The following RYR3 variants were observed in gnomAD, a reference collection of about 807,000 sequenced individuals.
RYR3 encodes ryanodine receptor 3.
Under a neutral mutation model 584.3 loss-of-function variants are expected in RYR3, and 207 were observed. That is an observed-to-expected ratio of 0.35 (90% CI 0.32 to 0.40). RYR3 has a LOEUF of 0.40. Among genes scored for constraint, RYR3 ranks in the 10% least tolerant of loss-of-function variants. The pLI, the probability that RYR3 is intolerant of heterozygous loss-of-function variation, is 1.00. For missense variants in RYR3, 5,616 were observed against 6,089.2 expected, an observed-to-expected ratio of 0.92 and a Z score of 2.59; for synonymous variants, 2,416 against 2,248.5, an observed-to-expected ratio of 1.07 and a Z score of -2.11.
chr15:33,480,820 G>C (rs1162834534), intron 2 of RYR3, among the ~76,000 whole-genome samples: 1 of 152,182 alleles, frequency 6.6e-6, no homozygotes, highest in African/African-American at 2.4e-5. Flanking sequence ...GGTGTGTCCT[G>C]TAGTTGTTGG....
intron 18 of RYR3, among the ~76,000 whole-genome samples, chr15:33,607,305 G>C (rs1319170368): frequency 2.0e-5 from 3 of 152,150 alleles, no homozygotes; most frequent in African/African-American, 7.2e-5. Flanking sequence ...AAGATATGCA[G>C]CATCTAATTA....
At chr15:33,545,847 G>A (rs950515942) in intron 8 of RYR3, among the ~76,000 whole-genome samples, 6 of 152,102 alleles carry the variant, frequency 3.9e-5, no homozygotes, top group South Asian at 2.1e-4. Context: ...AGAAGAAATC[G>A]TTTTCAGTCC....
At chr15:33,621,435 A>G (rs9806579) in intron 19 of RYR3, among the ~76,000 whole-genome samples, 10,165 of 152,252 alleles carry the variant, frequency 0.067, 388 homozygotes, top group African/African-American at 0.11. Flanking sequence ...TTATGTTGCA[A>G]TTGAATTGGG....
chr15:33,568,001 A>G (rs920848577), intron 12 of RYR3, among the ~76,000 whole-genome samples: 16 of 152,176 alleles, frequency 1.1e-4, no homozygotes, highest in Non-Finnish European at 1.5e-4. Flanking sequence ...CCAGTATTTT[A>G]TTGAAGCTCC....
chr15:33,813,846 A>G, intron 74 of RYR3: 1 of 294,012 alleles, frequency 3.4e-6, no homozygotes, highest in Non-Finnish European at 6.3e-6. Flanking sequence ...ATATGGAAGT[A>G]CACTACTTTT....
chr15:33,601,382 G>A (rs2059652735), intron 16 of RYR3, 37 bp from the exon 17 acceptor site: 2 of 1,604,432 alleles, frequency 1.2e-6, no homozygotes, highest in African/African-American at 2.7e-5. Context: ...GTGCCCTCCT[G>A]GTGGTCCTAA....
chr15:33,312,397 C>G (rs1198646799), intron 1 of RYR3, among the ~76,000 whole-genome samples: 1 of 151,972 alleles, frequency 6.6e-6, no homozygotes, highest in Non-Finnish European at 1.5e-5. Context: ...ATGGAAGTAC[C>G]TATCGCCCTG....
At chr15:33,460,996 G>C (rs1596243501) in intron 1 of RYR3, among the ~76,000 whole-genome samples, 1 of 133,636 alleles carries the variant, frequency 7.5e-6, no homozygotes. Flanking sequence ...CCAGGCTGGA[G>C]TGCAGTGGCG....
At chr15:33,392,642 C>T (rs1341233028) in intron 1 of RYR3, among the ~76,000 whole-genome samples, 1 of 152,128 alleles carries the variant, frequency 6.6e-6, no homozygotes, top group African/African-American at 2.4e-5. Context: ...CCAGCCTTTG[C>T]CACTTGGAGG....
chr15:33,762,082 T>A (rs2072501519), intron 60 of RYR3, among the ~76,000 whole-genome samples: 1 of 152,088 alleles, frequency 6.6e-6, no homozygotes, highest in Non-Finnish European at 1.5e-5. Flanking sequence ...AAACACTCAA[T>A]AAACTAGGTG....
chr15:33,326,333 A>C (rs538469705), intron 1 of RYR3, among the ~76,000 whole-genome samples: 1 of 152,328 alleles, frequency 6.6e-6, no homozygotes, highest in South Asian at 2.1e-4. Context: ...AGTACTTACT[A>C]TGTAAAAGGC....
At chr15:33,771,026 ATCACAT>A (rs1247124373) in intron 62 of RYR3, among the ~76,000 whole-genome samples, 2 of 152,210 alleles carry the variant, frequency 1.3e-5, no homozygotes, top group African/African-American at 2.4e-5. Flanking sequence ...ATCCCTGTAG[ATCACAT>A]TTCAATGTTT....
chr15:33,609,251 T>G (rs546009849), intron 18 of RYR3, among the ~76,000 whole-genome samples: 1 of 152,372 alleles, frequency 6.6e-6, no homozygotes, highest in African/African-American at 2.4e-5. Flanking sequence ...CTGGTCTTCC[T>G]CAGTTCACAA....
chr15:33,725,171 A>ACG lies in RYR3; in HGVS notation c.6912+996_6912+997insGC, dbSNP rs757719930. On this transcript the variant is annotated intron_variant, in intron 45 of 103. Coordinates refer to ENST00000634891, the MANE Select transcript of RYR3 (RefSeq NM_001036.6). ...CAACACCTTACACACACACACACAC[A>ACG]CACACACACACACACACACACACAC... Among the ~76,000 whole-genome samples, 193 of 142,502 alleles carry ACG rather than the reference A, an allele frequency of 1.4e-3. 4 individuals carry two copies. Among genetic ancestry groups the ACG allele is most frequent in the Middle Eastern group, 3.7e-3 (1 of 272 alleles). 93.5% of individuals were successfully genotyped at this position (142,502 alleles called of 152,430 possible).
intron 34 of RYR3, among the ~76,000 whole-genome samples, chr15:33,661,721 G>A (rs772156746): frequency 2.0e-5 from 3 of 152,144 alleles, no homozygotes; most frequent in South Asian, 2.1e-4. Flanking sequence ...CCATGGCCCC[G>A]GGATTGGGAA....
At chr15:33,526,721 G>A (rs2054422641) in intron 3 of RYR3, among the ~76,000 whole-genome samples, 1 of 151,700 alleles carries the variant, frequency 6.6e-6, no homozygotes, top group Non-Finnish European at 1.5e-5. Flanking sequence ...AATATTTAAT[G>A]CATGCCTCCT....
In RYR3 at chr15:33,584,072, C is replaced by A. The variant is rs564463601; in HGVS notation, c.1574-323C>A. 1.2e-3 allele frequency among the ~76,000 whole-genome samples: 184 copies of A among 150,964 alleles called. 1 individual carries two copies. Among genetic ancestry groups the A allele is most frequent in the Non-Finnish European group, 1.9e-3 (132 of 67,696 alleles). On this transcript the variant is annotated intron_variant, in intron 14 of 103. Transcript: ENST00000634891. ...CCATCTCAAAAAACAAACAAACAAA[C>A]AAAAAAAACTTAAAAATTAGCTGGG...
chr15:33,720,729 C>T (rs2067843494), intron 43 of RYR3, among the ~76,000 whole-genome samples: 1 of 152,086 alleles, frequency 6.6e-6, no homozygotes, highest in South Asian at 2.1e-4. Context: ...CAAAAATTAG[C>T]CAGTTGTGGT....
At chr15:33,863,582 ACAAACT>A (rs1889312891) in intron 102 of RYR3, among the ~76,000 whole-genome samples, 1 of 152,198 alleles carries the variant, frequency 6.6e-6, no homozygotes, top group Non-Finnish European at 1.5e-5. Context: ...TGTGTCACAG[ACAAACT>A]CAAACCTAAG....
Sources: gnomAD v4.1 joint callset for allele counts (sites outside exome capture counted in the v4.1 genomes callset) on GRCh38, gnomAD v4.1.1 for gene constraint, MANE v1.5 for transcripts, NCBI Gene and HGNC (gene_info 2026-07-23, HGNC 2026-07-21) for gene names.